UNC79: variants seen among roughly 807,000 people sequenced by gnomAD.
UNC79 encodes protein unc-79 homolog.
UNC79 carries 37 observed loss-of-function variants against 283.1 expected under a neutral mutation model. The ratio of observed to expected loss-of-function variants is 0.13; its 90% CI spans 0.10 to 0.17. The LOEUF is 0.17. UNC79 is among the 10% of genes least tolerant of loss of function. UNC79 has a pLI of 1.00. For missense variants in UNC79, 2,272 were observed against 3,211.1 expected, an observed-to-expected ratio of 0.71 and a Z score of 7.07; for synonymous variants, 1,107 against 1,200.2, an observed-to-expected ratio of 0.92 and a Z score of 1.61.
chr14:93,447,125 T>A (rs182039933), intron 1 of UNC79, among the ~76,000 whole-genome samples: 3 of 152,330 alleles, frequency 2.0e-5, no homozygotes, highest in African/African-American at 7.2e-5. Flanking sequence ...TTATGAAGTG[T>A]CTTTTTTATC....
At chr14:93,480,333 G>GA (rs1439428745) in intron 4 of UNC79, among the ~76,000 whole-genome samples, 1 of 151,990 alleles carries the variant, frequency 6.6e-6, no homozygotes, top group African/African-American at 2.4e-5. Context: ...GAAGGGGTTT[G>GA]AAAAAAATGT....
chr14:93,574,909 T>G, intron 16 of UNC79, 149 bp from the exon 17 acceptor site: 1 of 838,462 alleles, frequency 1.2e-6, no homozygotes. Context: ...AGTATGAAAA[T>G]TGGAGGATGA....
intron 14 of UNC79, among the ~76,000 whole-genome samples, chr14:93,559,399 CG>C (rs1334662923): frequency 6.6e-6 from 1 of 152,202 alleles, no homozygotes; most frequent in Non-Finnish European, 1.5e-5. Flanking sequence ...TTTTCATGCA[CG>C]TCTGTGTGAA....
intron 5 of UNC79, 43 bp from the exon 6 acceptor site, chr14:93,496,368 G>C (rs541975333): frequency 1.5e-6 from 2 of 1,314,464 alleles, no homozygotes; most frequent in East Asian, 2.6e-5. Flanking sequence ...TGTTTTGTCT[G>C]GTATTTACAT....
intron 19 of UNC79, among the ~76,000 whole-genome samples, chr14:93,580,608 A>G (rs1275462698): frequency 6.6e-6 from 1 of 152,226 alleles, no homozygotes; most frequent in Non-Finnish European, 1.5e-5. Context: ...TGAGGGTTGT[A>G]GCACCTCCAT....
At chr14:93,398,560 T>C (rs944418061) in intron 1 of UNC79, among the ~76,000 whole-genome samples, 2 of 152,162 alleles carry the variant, frequency 1.3e-5, no homozygotes, top group African/African-American at 4.8e-5. Flanking sequence ...GTCCATTGCA[T>C]TTTCCTGGGA....
chr14:93,586,534 A>G, intron 20 of UNC79, 62 bp from the exon 21 acceptor site: 1 of 1,430,792 alleles, frequency 7.0e-7, no homozygotes. Context: ...ATCTTGATAA[A>G]TTGATGAATG....
intron 38 of UNC79, among the ~76,000 whole-genome samples, chr14:93,655,868 A>C (rs1429425820): frequency 2.0e-5 from 3 of 152,172 alleles, no homozygotes. Context: ...CCCCTACACC[A>C]TACCATCTCC....
intron 1 of UNC79, among the ~76,000 whole-genome samples, chr14:93,374,274 C>T (rs1309360840): frequency 6.6e-6 from 1 of 152,182 alleles, no homozygotes; most frequent in Non-Finnish European, 1.5e-5. Context: ...TCAATCCATA[C>T]AAGCAGCTAT....
At chr14:93,514,994 A>G (rs556137274) in intron 7 of UNC79, among the ~76,000 whole-genome samples, 1 of 152,132 alleles carries the variant, frequency 6.6e-6, no homozygotes, top group African/African-American at 2.4e-5. Context: ...TTCTAATGGC[A>G]TTTATGTTAG....
chr14:93,400,230 A>T (rs186890127), intron 1 of UNC79, among the ~76,000 whole-genome samples: 22 of 152,342 alleles, frequency 1.4e-4, no homozygotes, highest in Admixed American at 2.6e-4. Context: ...AGGGAGTATC[A>T]TGCATGGTAT....
At position 93,690,180 on chromosome 14, in the gene UNC79, C is replaced by G; in HGVS notation, c.7149C>G (p.Ser2383=). 6.2e-7 allele frequency: 1 copy of G among 1,614,168 alleles called. No homozygotes were observed. The highest frequency in any genetic ancestry group is 1.1e-5 in the South Asian group (1 of 91,074). The stretch of plus-strand genomic sequence containing the variant: ...TGTTGTCCTGGCTGCTGCTGGGTTC[C>G]CTCACTCACAATGCAGTGTGCCCAA... The change falls in exon 45 of 49, where the codon TCC becomes TCG. Residue 2383 remains serine (S), a synonymous_variant. Transcript: ENST00000555664. The surrounding 1 kb of genome is among the most constrained non-coding windows in gnomAD (Gnocchi z 4.3).
At chr14:93,669,311 A>G (rs1034450929) in intron 40 of UNC79, among the ~76,000 whole-genome samples, 1 of 152,234 alleles carries the variant, frequency 6.6e-6, no homozygotes, top group Admixed American at 6.5e-5. Flanking sequence ...GAGAAGGGTT[A>G]TGAGGCTCAG....
exon 29 of UNC79, chr14:93,618,209 T>C: frequency 6.2e-7 from 1 of 1,613,264 alleles, no homozygotes. Flanking sequence ...ACCGAGACTG[T>C]GATATCAGCA....
chr14:93,530,723 C>A (rs893440330), intron 10 of UNC79, among the ~76,000 whole-genome samples: 1 of 152,164 alleles, frequency 6.6e-6, no homozygotes, highest in Admixed American at 6.5e-5. Flanking sequence ...TCCTGGCTAA[C>A]ATGGTGAAAC....
upstream of UNC79, among the ~76,000 whole-genome samples, chr14:93,428,508 G>A (rs940999711): frequency 1.1e-4 from 17 of 152,154 alleles, no homozygotes; most frequent in African/African-American, 4.1e-4. Flanking sequence ...CCATATGTCG[G>A]AATGGTGAAA....
intron 1 of UNC79, among the ~76,000 whole-genome samples, chr14:93,434,173 A>G (rs1017703544): frequency 1.3e-5 from 2 of 152,024 alleles, no homozygotes; most frequent in African/African-American, 4.8e-5. Context: ...AGATTGTGCC[A>G]TTGCACTCCA....
At chr14:93,533,895 G>A (rs2060943663) in intron 11 of UNC79, among the ~76,000 whole-genome samples, 1 of 152,180 alleles carries the variant, frequency 6.6e-6, no homozygotes, top group Admixed American at 6.5e-5. Context: ...ACCTCCACAA[G>A]TCTTATTCAT....
intron 11 of UNC79, among the ~76,000 whole-genome samples, chr14:93,532,982 C>G (rs1188285413): frequency 6.6e-6 from 1 of 151,948 alleles, no homozygotes; most frequent in East Asian, 1.9e-4. Context: ...GTGTGAAAAA[C>G]ATACCCAGAC....
Sources: allele counts gnomAD v4.1 joint callset (sites outside exome capture counted in the v4.1 genomes callset), GRCh38; gene constraint gnomAD v4.1.1; non-coding constraint Gnocchi (gnomAD v3.1); transcripts MANE v1.5; gene names NCBI Gene and HGNC (gene_info 2026-07-23, HGNC 2026-07-21).